Variants in RAF1 observed in about 807,000 individuals in gnomAD.
RAF1 encodes the protein RAF proto-oncogene serine/threonine-protein kinase.
In RAF1, 27 loss-of-function variants were observed where a neutral mutation model predicts 81.1. The ratio of observed to expected loss-of-function variants is 0.33; its 90% CI spans 0.25 to 0.46. The LOEUF is 0.46. Ranked by LOEUF, RAF1 falls within the 20% of genes least tolerant of loss-of-function variation. The pLI is 1.00. For missense variants in RAF1, 598 were observed against 826.0 expected, an observed-to-expected ratio of 0.72 and a Z score of 3.38; for synonymous variants, 298 against 294.0, an observed-to-expected ratio of 1.01 and a Z score of -0.14.
Position 12,608,930 on chromosome 3 carries a change from C to A in RAF1, c.424-7G>T. The A allele has an allele frequency of 6.2e-7, 1 of 1,614,018 alleles. No homozygotes were observed. Among genetic ancestry groups the A allele is most frequent in the Non-Finnish European group, 8.5e-7 (1 of 1,179,940 alleles). ...TCAGGAACGTCTTCCGAGCCTACAA[C>A]AAGAACACAGGTGTAAATTATGCTG... On this transcript the variant is annotated splice_region_variant and splice_polypyrimidine_tract_variant and intron_variant, in intron 4 of 17. Coordinates refer to ENST00000442415, the MANE Select transcript of RAF1 (RefSeq NM_001354689.3).
At chr3:12,607,941 C>T (rs1254502884) in intron 5 of RAF1, among the ~76,000 whole-genome samples, 1 of 86,858 alleles carries the variant, frequency 1.2e-5, no homozygotes, top group Admixed American at 1.9e-4. Flanking sequence ...CAGAAAGAGA[C>T]TTGTCTCCAA....
At chr3:12,657,000 GGAA>G (rs1559494980) in intron 1 of RAF1, among the ~76,000 whole-genome samples, 3 of 138,948 alleles carry the variant, frequency 2.2e-5, no homozygotes, top group African/African-American at 2.7e-5. Context: ...TCCATCTCGG[GGAA>G]AAAAAAAAAA....
intron 10 of RAF1, 40 bp from the exon 10 acceptor site, chr3:12,599,848 GTAA>G: frequency 1.4e-6 from 2 of 1,469,256 alleles, no homozygotes; most frequent in African/African-American, 1.4e-5. Context: ...CCATGCAATG[GTAA>G]TAATCTTTTG....
intron 1 of RAF1, among the ~76,000 whole-genome samples, chr3:12,662,087 G>A (rs1489003131): frequency 6.6e-6 from 1 of 151,604 alleles, no homozygotes; most frequent in Admixed American, 6.6e-5. Flanking sequence ...CAAGCACGTT[G>A]GGAGGGAGAG....
At chr3:12,639,485 C>A (rs2060123177) in intron 1 of RAF1, among the ~76,000 whole-genome samples, 1 of 152,170 alleles carries the variant, frequency 6.6e-6, no homozygotes, top group Admixed American at 6.5e-5. Context: ...ATCGTCTCAG[C>A]CCAAAATCTC....
chr3:12,591,310 C>G (rs913865287), intron 12 of RAF1, among the ~76,000 whole-genome samples: 1 of 151,956 alleles, frequency 6.6e-6, no homozygotes, highest in African/African-American at 2.4e-5. Context: ...TCCTACAAGT[C>G]TAAATAGTGA....
intron 1 of RAF1, 71 bp from the exon 2 acceptor site, chr3:12,618,818 G>GT: frequency 8.2e-7 from 1 of 1,216,290 alleles, no homozygotes; most frequent in Non-Finnish European, 1.2e-6. Context: ...TACATAAAGA[G>GT]TAATTATGAA....
chr3:12,605,157 A>G (rs2125402122), intron 6 of RAF1, among the ~76,000 whole-genome samples: 1 of 152,340 alleles, frequency 6.6e-6, no homozygotes, highest in South Asian at 2.1e-4. Context: ...ACAGAAATAT[A>G]TATCCAGATA....
At chr3:12,634,015 C>T (rs1290549819) in intron 1 of RAF1, among the ~76,000 whole-genome samples, 2 of 151,126 alleles carry the variant, frequency 1.3e-5, no homozygotes, top group Non-Finnish European at 2.9e-5. Context: ...CATAATGGAG[C>T]AAAGCCTCCT....
At chr3:12,656,994 T>G (rs1456972773) in intron 1 of RAF1, among the ~76,000 whole-genome samples, 1 of 134,378 alleles carries the variant, frequency 7.4e-6, no homozygotes, top group Non-Finnish European at 1.6e-5. Context: ...TGAAACTCCA[T>G]CTCGGGGAAA....
intron 1 of RAF1, among the ~76,000 whole-genome samples, chr3:12,656,920 C>A (rs2060711860): frequency 6.6e-6 from 1 of 151,560 alleles, no homozygotes; most frequent in African/African-American, 2.4e-5. Context: ...TCACTTGAAC[C>A]CGGGAGACAG....
intron 11 of RAF1, among the ~76,000 whole-genome samples, chr3:12,592,689 A>C (rs910298088): frequency 6.6e-6 from 1 of 151,074 alleles, no homozygotes; most frequent in Non-Finnish European, 1.5e-5. Flanking sequence ...AGACACATCC[A>C]GGGATCCATT....
intron 2 of RAF1, among the ~76,000 whole-genome samples, chr3:12,616,025 C>A (rs150302126): frequency 1.3e-5 from 2 of 152,080 alleles, no homozygotes; most frequent in Non-Finnish European, 2.9e-5. Flanking sequence ...GCACTCCAGC[C>A]TGGGTGACAG....
intron 3 of RAF1, among the ~76,000 whole-genome samples, chr3:12,610,130 A>AAAAGT (rs2059163483): frequency 6.6e-6 from 1 of 152,230 alleles, no homozygotes; most frequent in Non-Finnish European, 1.5e-5. Context: ...TACATAAGTA[A>AAAAGT]AAAGTAATGC....
intron 1 of RAF1, 112 bp downstream of exon 1, chr3:12,663,701 C>G (rs941477532): frequency 1.5e-5 from 6 of 390,444 alleles, no homozygotes; most frequent in Middle Eastern, 6.3e-4. Flanking sequence ...CTCTGCCCGG[C>G]AGCCGCGGGG....
At chr3:12,591,872 G>T in intron 11 of RAF1, 80 bp from the exon 11 acceptor site, 1 of 1,086,492 alleles carries the variant, frequency 9.2e-7, no homozygotes, top group Non-Finnish European at 1.4e-6. Flanking sequence ...GGAAGATACA[G>T]TGAATCATTT....
intron 2 of RAF1, among the ~76,000 whole-genome samples, chr3:12,612,292 G>A (rs764640351): frequency 9.2e-5 from 14 of 152,186 alleles, no homozygotes; most frequent in Non-Finnish European, 2.1e-4. Context: ...CCTGGATGGA[G>A]AGGAGTCCAT....
chr3:12,585,502 C>T (rs2058303447), intron 15 of RAF1, 179 bp downstream of exon 14: 2 of 932,074 alleles, frequency 2.1e-6, no homozygotes, highest in South Asian at 9.9e-5. Context: ...CTAAGCTTCA[C>T]AGTGGTTCTG....
intron 12 of RAF1, among the ~76,000 whole-genome samples, chr3:12,591,225 C>G (rs2058505861): frequency 1.3e-5 from 2 of 152,138 alleles, no homozygotes; most frequent in Non-Finnish European, 2.9e-5. Context: ...CATTCTCTTT[C>G]ATCAATGTAC....
Sources: allele counts gnomAD v4.1 joint callset (sites outside exome capture counted in the v4.1 genomes callset), GRCh38; gene constraint gnomAD v4.1.1; transcripts MANE v1.5; gene names NCBI Gene and HGNC (gene_info 2026-07-23, HGNC 2026-07-21).